ENTREP2: variants seen among roughly 807,000 people sequenced by gnomAD.
ENTREP2 encodes endosomal transmembrane epsin interactor 2.
chr15:29,145,622 C>CAAAAAAAAAAAAAAAAAAAAA, the ENTREP2 span, among the ~76,000 whole-genome samples: 1 of 58,254 alleles, frequency 1.7e-5, no homozygotes, highest in Non-Finnish European at 3.0e-5. Flanking sequence ...GACTCCATCT[C>CAAAAAAAAAAAAAAAAAAAAA]AAAAAAAAAA....
chr15:29,300,574 T>C, the ENTREP2 span, among the ~76,000 whole-genome samples: 1 of 152,174 alleles, frequency 6.6e-6, no homozygotes. Context: ...AGATTTATTA[T>C]GAGAAGGAAG....
chr15:29,268,712 G>C, the ENTREP2 span: 4 of 1,445,246 alleles, frequency 2.8e-6, no homozygotes, highest in African/African-American at 5.7e-5. Flanking sequence ...CCCTGGGTTC[G>C]TTCTCCCTTC....
the ENTREP2 span, among the ~76,000 whole-genome samples, chr15:29,456,536 T>G: frequency 9.2e-4 from 140 of 152,186 alleles, no homozygotes; most frequent in African/African-American, 3.1e-3. Flanking sequence ...TTCCACAAGC[T>G]GATTCTGAGC....
At chr15:29,439,284 T>TACAAACACACACACACAC in the ENTREP2 span, among the ~76,000 whole-genome samples, 8 of 97,090 alleles carry the variant, frequency 8.2e-5, no homozygotes, top group African/African-American at 3.5e-4. Context: ...AAATTGGAAT[T>TACAAACACACACACACAC]ACACACACAC....
the ENTREP2 span, among the ~76,000 whole-genome samples, chr15:29,402,833 A>C: frequency 2.0e-5 from 3 of 152,180 alleles, no homozygotes; most frequent in Non-Finnish European, 4.4e-5. Flanking sequence ...GTTGATACAC[A>C]ACAGAGAAAA....
At chr15:29,636,822 G>A in the ENTREP2 span, among the ~76,000 whole-genome samples, 1 of 152,162 alleles carries the variant, frequency 6.6e-6, no homozygotes, top group African/African-American at 2.4e-5. Context: ...TTCCAGAGAT[G>A]AGACTGAAAT....
At chr15:29,234,778 T>C in the ENTREP2 span, 1 of 1,489,588 alleles carries the variant, frequency 6.7e-7, no homozygotes, top group Admixed American at 1.7e-5. Flanking sequence ...TGGTATAAAA[T>C]ATTACTCCAT....
the ENTREP2 span, among the ~76,000 whole-genome samples, chr15:29,603,313 G>A: frequency 6.6e-6 from 1 of 152,332 alleles, no homozygotes; most frequent in Non-Finnish European, 1.5e-5. Context: ...AGCAGCATCT[G>A]CAGGGAACTT....
chr15:29,562,548 G>A, the ENTREP2 span, among the ~76,000 whole-genome samples: 1 of 152,302 alleles, frequency 6.6e-6, no homozygotes, highest in Non-Finnish European at 1.5e-5. Flanking sequence ...TTTAAGAGAA[G>A]AGACACAGGA....
the ENTREP2 span, among the ~76,000 whole-genome samples, chr15:29,410,732 G>C: frequency 6.6e-6 from 1 of 152,184 alleles, no homozygotes; most frequent in Non-Finnish European, 1.5e-5. Flanking sequence ...CACAGCTATA[G>C]TTTATTCACT....
At chr15:29,652,803 G>A in the ENTREP2 span, among the ~76,000 whole-genome samples, 1 of 152,338 alleles carries the variant, frequency 6.6e-6, no homozygotes, top group South Asian at 2.1e-4. Flanking sequence ...ACTTGCTCAT[G>A]CACCTTGCCA....
At chr15:29,643,325 TAG>T in the ENTREP2 span, among the ~76,000 whole-genome samples, 32 of 152,162 alleles carry the variant, frequency 2.1e-4, 1 homozygote, top group Admixed American at 6.5e-5. Context: ...AGGATTAGAA[TAG>T]ATAGACATTT....
the ENTREP2 span, among the ~76,000 whole-genome samples, chr15:29,557,969 C>T: frequency 1.3e-5 from 2 of 152,200 alleles, no homozygotes; most frequent in Admixed American, 6.5e-5. Context: ...TCCTAAACCA[C>T]AGTGCAATAT....
the ENTREP2 span, among the ~76,000 whole-genome samples, chr15:29,545,476 CT>C: frequency 6.6e-6 from 1 of 152,160 alleles, no homozygotes; most frequent in Non-Finnish European, 1.5e-5. Flanking sequence ...GTTTTGTGAT[CT>C]TGAGTAAAAC....
chr15:29,420,741 C>T, the ENTREP2 span, among the ~76,000 whole-genome samples: 1 of 152,106 alleles, frequency 6.6e-6, no homozygotes, highest in Admixed American at 6.5e-5. Context: ...GAAATTTGGA[C>T]AGCTACTTGA....
chr15:29,492,929 T>G, the ENTREP2 span, among the ~76,000 whole-genome samples: 7,247 of 150,834 alleles, frequency 0.048, 555 homozygotes, highest in African/African-American at 0.17. Context: ...GCTTGAACCC[T>G]GGAAGCGGAG....
the ENTREP2 span, among the ~76,000 whole-genome samples, chr15:29,568,935 G>A: frequency 6.6e-6 from 1 of 152,026 alleles, no homozygotes; most frequent in South Asian, 2.1e-4. Context: ...CACACCCTTG[G>A]GAACCCAAGG....
At chr15:29,429,055 T>C in the ENTREP2 span, among the ~76,000 whole-genome samples, 2 of 152,218 alleles carry the variant, frequency 1.3e-5, no homozygotes, top group Admixed American at 6.5e-5. Flanking sequence ...GCCTGCACTG[T>C]TAATTATCTA....
the ENTREP2 span, chr15:29,122,401 C>T: frequency 5.9e-5 from 9 of 151,802 alleles, no homozygotes; most frequent in Admixed American, 2.6e-4. Context: ...GCCGCATGCC[C>T]GGGGAAAGGT....
Sources: gnomAD v4.1 joint callset for allele counts (sites outside exome capture counted in the v4.1 genomes callset) on GRCh38, gnomAD v4.1.1 for gene constraint, MANE v1.5 for transcripts, NCBI Gene and HGNC (gene_info 2026-07-23, HGNC 2026-07-21) for gene names.